TXN2: variants seen among roughly 807,000 people sequenced by gnomAD.
TXN2 encodes thioredoxin, mitochondrial.
TXN2 carries 12 observed loss-of-function variants against 14.6 expected under a neutral mutation model. That is an observed-to-expected ratio of 0.82 (90% CI 0.53 to 1.33). The LOEUF (loss-of-function observed/expected upper bound fraction) is 1.33, where lower values mean the gene tolerates loss of function less well. Ranked by LOEUF, TXN2 falls within the 40% of genes most tolerant of loss-of-function variation. The pLI is 0.00. For synonymous variants in TXN2, 89 were observed against 81.0 expected (o/e 1.10, Z -0.53); for missense variants, 173 against 207.7 (o/e 0.83, Z 1.03).
intron 1 of TXN2, 148 bp from the exon 2 acceptor site, chr22:36,480,985 TGAG>T: frequency 1.1e-6 from 1 of 898,046 alleles, no homozygotes; most frequent in Non-Finnish European, 1.5e-6. Flanking sequence ...AGCGTGGAAG[TGAG>T]GAAGCAATGA....
rs1056566648 is a variant in TXN2 at position 36,471,335 on chromosome 22, C to T, written c.388-3418G>A. 4.6e-5 allele frequency among the ~76,000 whole-genome samples: 7 copies of T among 152,102 alleles called. No individual in the cohort carries two copies. The East Asian group carries it at 5.8e-4, about 13-fold the overall frequency. The stretch of plus-strand genomic sequence containing the variant: ...AGGAGTGGGGGAGTGTGTACGTGTG[C>T]GCAGTCTCTTTCTGCTAACCCGTAG... On this transcript the variant is annotated intron_variant, in intron 3 of 3. Coordinates refer to ENST00000216185, the MANE Select transcript of TXN2 (RefSeq NM_012473.4).
chr22:36,467,749 C>T lies in TXN2; in HGVS notation c.*55G>A, dbSNP rs1933190230. 6.8e-7 allele frequency: 1 copy of T among 1,464,756 alleles called. No homozygotes were observed. Among genetic ancestry groups the T allele is most frequent in the Admixed American group, 1.7e-5 (1 of 59,694 alleles). The allele number at this position is 1,464,756 out of a possible 1,614,324, so 90.7% of individuals were successfully genotyped here. ...AGCAGGAAGGGCTGGCATGGAAGGG[C>T]TGAGTTCTATTGGGGTCCCACGCGG... On this transcript the variant is annotated 3_prime_UTR_variant, in exon 4 of 4. Coordinates refer to ENST00000216185, the MANE Select transcript of TXN2 (RefSeq NM_012473.4).
intron 3 of TXN2, among the ~76,000 whole-genome samples, chr22:36,472,754 A>G (rs551587740): frequency 6.6e-6 from 1 of 152,244 alleles, no homozygotes; most frequent in East Asian, 1.9e-4. Flanking sequence ...TGGCGCTGGA[A>G]TGGTGGACAC....
intron 3 of TXN2, among the ~76,000 whole-genome samples, chr22:36,476,028 C>T (rs1449769003): frequency 6.6e-6 from 1 of 152,180 alleles, no homozygotes; most frequent in Non-Finnish European, 1.5e-5. Context: ...TTTCTACCTG[C>T]TGTTCTCTCC....
intron 3 of TXN2, among the ~76,000 whole-genome samples, chr22:36,472,790 C>T (rs935762354): frequency 6.6e-6 from 1 of 152,128 alleles, no homozygotes; most frequent in African/African-American, 2.4e-5. Flanking sequence ...TGTCCATGAA[C>T]TTTCTCACTG....
At chr22:36,476,626 T>C in intron 3 of TXN2, 107 bp downstream of exon 3, 1 of 1,487,784 alleles carries the variant, frequency 6.7e-7, no homozygotes, top group Non-Finnish European at 9.0e-7. Flanking sequence ...CAAGACACCT[T>C]GCTTACTGGC....
intron 3 of TXN2, 139 bp from the exon 4 acceptor site, chr22:36,468,056 A>C: frequency 2.9e-6 from 2 of 697,258 alleles, no homozygotes; most frequent in East Asian, 2.8e-5. Context: ...CTAGAGGAAC[A>C]TGGCTCTTCT....
chr22:36,475,129 G>C (rs576971871), intron 3 of TXN2, among the ~76,000 whole-genome samples: 2 of 152,362 alleles, frequency 1.3e-5, no homozygotes, highest in East Asian at 3.9e-4. Flanking sequence ...TGTAATCCCA[G>C]CACTTTGGGA....
At chr22:36,471,824 G>T (rs1933282745) in intron 3 of TXN2, among the ~76,000 whole-genome samples, 1 of 152,150 alleles carries the variant, frequency 6.6e-6, no homozygotes, top group South Asian at 2.1e-4. Flanking sequence ...CAAAAATTAG[G>T]CCGGGCGTGG....
intron 3 of TXN2, chr22:36,468,720 C>CAA: frequency 9.6e-6 from 4 of 418,130 alleles, no homozygotes; most frequent in South Asian, 1.7e-5. Context: ...GACCCTGCCT[C>CAA]AAAAAAAAAG....
At chr22:36,473,762 T>C (rs1465433794) in intron 3 of TXN2, among the ~76,000 whole-genome samples, 1 of 151,768 alleles carries the variant, frequency 6.6e-6, no homozygotes, top group African/African-American at 2.4e-5. Flanking sequence ...TGGGGGGAGA[T>C]TGAGAGGATT....
At chr22:36,476,453 G>A (rs937798584) in intron 3 of TXN2, among the ~76,000 whole-genome samples, 1 of 152,084 alleles carries the variant, frequency 6.6e-6, no homozygotes, top group Non-Finnish European at 1.5e-5. Context: ...TTAGCTGGGC[G>A]TGGTGGTGTG....
chr22:36,470,182 G>T (rs983897290), intron 3 of TXN2, among the ~76,000 whole-genome samples: 1 of 152,072 alleles, frequency 6.6e-6, no homozygotes, highest in Non-Finnish European at 1.5e-5. Flanking sequence ...AGACCATCCC[G>T]CCCTCACCCA....
rs1343682898 is a variant in TXN2 at position 36,480,739 on chromosome 22, C to T, written c.99G>A (p.Gln33=). Residue 33 remains glutamine, a synonymous_variant, in exon 2 of 4, where the codon CAG becomes CAA. Transcript: ENST00000216185. ...GGCCACCAGGACTGCATTGTGGGGT[C>T]TGCAGGGCTCTGGAAGTGAGGGGTG... is the stretch of plus-strand genomic sequence containing the variant. ...QWPPLTSRAL[Q]TPQCSPGGLT... The T allele has an allele frequency of 6.2e-7, 1 of 1,613,894 alleles. No individual in the cohort carries two copies. The highest frequency in any genetic ancestry group is 8.5e-7 in the Non-Finnish European group (1 of 1,179,988).
intron 2 of TXN2, among the ~76,000 whole-genome samples, chr22:36,480,354 A>G (rs1228649240): frequency 6.6e-6 from 1 of 152,260 alleles, no homozygotes; most frequent in East Asian, 1.9e-4. Context: ...ATTGAGAAAC[A>G]GAACATGTGT....
At position 36,480,877 on chromosome 22, in the gene TXN2, G is replaced by A. The variant is rs758476041; in HGVS notation, c.1-40C>T. The A allele has an allele frequency of 2.0e-6, 3 of 1,514,476 alleles. No individual in the cohort carries two copies. In the East Asian group the frequency reaches 6.9e-5, roughly 35 times the overall value. The allele number at this position is 1,514,476 out of a possible 1,614,324, so 93.8% of individuals were successfully genotyped here. A position where few individuals can be genotyped will look rare whatever the true frequency, so the allele number is the denominator to read the frequency against. On this transcript the variant is annotated intron_variant, in intron 1 of 3. Transcript: ENST00000216185. ...GGCAGAAGAACTGGGGCACACAAAA[G>A]GAAGTCGACACACTAGAAAAAGATT...
chr22:36,476,593 A>G lies in TXN2; in HGVS notation c.387+140T>C, dbSNP rs534270375. The G allele has an allele frequency of 1.8e-3, 2,148 of 1,197,170 alleles. 2 individuals are homozygous for G. Among genetic ancestry groups the G allele is most frequent in the Middle Eastern group, 3.0e-3 (10 of 3,318 alleles). 74.2% of individuals were successfully genotyped at this position (1,197,170 alleles called of 1,614,324 possible). A position where few individuals can be genotyped will look rare whatever the true frequency, so the allele number is the denominator to read the frequency against. Reference sequence around the variant, plus strand: ...GGTGACAGTGAGAGATTCCGTCTCAAAAAAAAAAAGCTCTGGAAAAACCAA... The same window carrying G: ...GGTGACAGTGAGAGATTCCGTCTCAGAAAAAAAAAGCTCTGGAAAAACCAA... On this transcript the variant is annotated intron_variant, in intron 3 of 3. Transcript: ENST00000216185.
intron 3 of TXN2, among the ~76,000 whole-genome samples, chr22:36,471,676 G>T (rs546853631): frequency 6.6e-6 from 1 of 152,304 alleles, no homozygotes; most frequent in Non-Finnish European, 1.5e-5. Flanking sequence ...GTTCCAAAAT[G>T]ATGTGGTGTA....
intron 2 of TXN2, among the ~76,000 whole-genome samples, chr22:36,478,689 ATAATGGCTCACACCTG>A (rs1226000827): frequency 2.6e-5 from 4 of 152,196 alleles, no homozygotes; most frequent in Non-Finnish European, 5.9e-5. Context: ...TAGGCCGGGC[ATAATGGCTCACACCTG>A]TAATCCTAGC....
Sources: allele counts gnomAD v4.1 joint callset (sites outside exome capture counted in the v4.1 genomes callset), GRCh38; gene constraint gnomAD v4.1.1; transcripts MANE v1.5; gene names NCBI Gene and HGNC (gene_info 2026-07-23, HGNC 2026-07-21).